Variants in UBE2Z observed in about 807,000 individuals in gnomAD.
The protein encoded by UBE2Z is ubiquitin conjugating enzyme E2 Z.
In UBE2Z, 10 loss-of-function variants were observed where a neutral mutation model predicts 32.6. The ratio of observed to expected loss-of-function variants is 0.31; its 90% CI spans 0.19 to 0.52. The LOEUF (loss-of-function observed/expected upper bound fraction) is 0.52. UBE2Z is among the 20% of genes least tolerant of loss of function. The pLI is 0.97. For missense variants in UBE2Z, 343 were observed against 480.9 expected (o/e 0.71, Z 2.68); for synonymous variants, 183 against 190.8 (o/e 0.96, Z 0.34).
intron 3 of UBE2Z, 51 bp downstream of exon 3, chr17:48,913,072 C>G (rs1365295644): frequency 2.0e-5 from 31 of 1,565,744 alleles, no homozygotes; most frequent in Non-Finnish European, 2.6e-5. Context: ...GATAATTACT[C>G]TAGGTCAGCC....
At chr17:48,924,237 G>A (rs1007286485) in intron 6 of UBE2Z, among the ~76,000 whole-genome samples, 2 of 152,164 alleles carry the variant, frequency 1.3e-5, no homozygotes, top group African/African-American at 4.8e-5. Context: ...CAAACTGGGA[G>A]GCTGAGATTA....
chr17:48,922,316 G>GGCGGAGGTTGCAGTGA (rs2040765293), intron 5 of UBE2Z, among the ~76,000 whole-genome samples: 1 of 152,146 alleles, frequency 6.6e-6, no homozygotes, highest in Admixed American at 6.5e-5. Context: ...GAACCTGGGA[G>GGCGGAGGTTGCAGTGA]GCGGAGGTTG....
intron 6 of UBE2Z, among the ~76,000 whole-genome samples, chr17:48,925,250 C>G (rs938866008): frequency 6.7e-6 from 1 of 148,184 alleles, no homozygotes. Context: ...ACGTTGCACT[C>G]TAGCCTTGGC....
chr17:48,918,270 C>G lies in UBE2Z; in HGVS notation c.690+2083C>G, dbSNP rs535850987. On this transcript the variant is annotated intron_variant, in intron 4 of 6. Transcript: ENST00000360943. ...TTTATTTTTAAACTATTACATATGA[C>G]ACCAACTTTGATTCTTCCTCTATAG... Among the ~76,000 whole-genome samples the G allele has an allele frequency of 1.5e-4, 23 of 152,202 alleles. No homozygotes were observed. The East Asian group carries it at 3.7e-3, about 24-fold the overall frequency.
At chr17:48,925,324 G>T (rs2040790831) in intron 6 of UBE2Z, among the ~76,000 whole-genome samples, 1 of 151,650 alleles carries the variant, frequency 6.6e-6, no homozygotes, top group Non-Finnish European at 1.5e-5. Context: ...GGGAGACTTG[G>T]ATAATTGACT....
intron 4 of UBE2Z, 74 bp downstream of exon 4, chr17:48,916,261 T>TTTTTTTG (rs2040719214): frequency 4.6e-6 from 3 of 658,216 alleles, no homozygotes; most frequent in Admixed American, 4.3e-5. Flanking sequence ...TTTTTTTGTT[T>TTTTTTTG]TTTTTTTTTT....
At chr17:48,916,999 C>T (rs1022700723) in intron 4 of UBE2Z, among the ~76,000 whole-genome samples, 2 of 149,268 alleles carry the variant, frequency 1.3e-5, no homozygotes, top group African/African-American at 4.9e-5. Context: ...GAAACTCGGT[C>T]CCCCCACCCC....
chr17:48,918,995 C>T (rs908018449), intron 4 of UBE2Z, among the ~76,000 whole-genome samples: 6 of 152,132 alleles, frequency 3.9e-5, no homozygotes, highest in Admixed American at 2.6e-4. Flanking sequence ...AGTCTGCCCA[C>T]GTCCGCCTCC....
chr17:48,916,469 T>A (rs1176919639), intron 4 of UBE2Z, among the ~76,000 whole-genome samples: 3 of 151,412 alleles, frequency 2.0e-5, no homozygotes, highest in Non-Finnish European at 4.4e-5. Flanking sequence ...GCCAGGCTGG[T>A]CTCCAGCTCC....
chr17:48,925,295 A>G (rs894689688), intron 6 of UBE2Z, among the ~76,000 whole-genome samples: 30 of 151,144 alleles, frequency 2.0e-4, no homozygotes, highest in Admixed American at 3.9e-4. Context: ...AAAAAAAAAA[A>G]AAAGAAAGAA....
chr17:48,912,716 G>C (rs1300194874), intron 2 of UBE2Z, 118 bp from the exon 3 acceptor site: 1 of 1,051,710 alleles, frequency 9.5e-7, no homozygotes, highest in Non-Finnish European at 1.4e-6. Flanking sequence ...TGAGGATATA[G>C]AACATGTGTA....
At position 48,908,587 on chromosome 17, in the gene UBE2Z, TGGCGTTAGCGGCAGCGGC is replaced by T; in HGVS notation, c.89_106del (p.Val30_Gly35del). 1 of 1,239,470 alleles carries T rather than the reference TGGCGTTAGCGGCAGCGGC, an allele frequency of 8.1e-7. No individual in the cohort carries two copies. The highest frequency in any genetic ancestry group is 1.0e-6 in the Non-Finnish European group (1 of 988,684). 76.8% of individuals were successfully genotyped at this position (1,239,470 alleles called of 1,614,324 possible). ...GGGCGAGCAGCGTTGCTGGTGTTGT[TGGCGTTAGCGGCAGCGGC>T]GGCGGGTTCGGGCCGCCTTTCCTGC... is the stretch of plus-strand genomic sequence containing the variant. On this transcript the variant is annotated inframe_deletion, in exon 1 of 7. Coordinates refer to ENST00000360943, the MANE Select transcript of UBE2Z (RefSeq NM_023079.5).
chr17:48,912,656 C>G, intron 2 of UBE2Z, 178 bp from the exon 3 acceptor site: 1 of 624,194 alleles, frequency 1.6e-6, no homozygotes, highest in Non-Finnish European at 2.7e-6. Flanking sequence ...TCTTAAAATT[C>G]CAAACCTACG....
At chr17:48,919,503 G>T (rs965836029) in intron 4 of UBE2Z, among the ~76,000 whole-genome samples, 1 of 152,126 alleles carries the variant, frequency 6.6e-6, no homozygotes, top group Non-Finnish European at 1.5e-5. Flanking sequence ...TTGAGACAAA[G>T]TCTTGCTTTG....
chr17:48,913,849 G>A (rs370876474), intron 3 of UBE2Z, among the ~76,000 whole-genome samples: 1 of 152,122 alleles, frequency 6.6e-6, no homozygotes, highest in Non-Finnish European at 1.5e-5. Flanking sequence ...GGCGGTGGTG[G>A]TGGTGGTGAT....
chr17:48,912,722 G>A, intron 2 of UBE2Z, 112 bp from the exon 3 acceptor site: 4 of 1,096,156 alleles, frequency 3.6e-6, no homozygotes, highest in Non-Finnish European at 5.4e-6. Context: ...TATAGAACAT[G>A]TGTACCAGAT....
At position 48,910,850 on chromosome 17, in the gene UBE2Z, C is replaced by T. The variant is rs773683257; in HGVS notation, c.360C>T (p.Phe120=). The change falls in exon 2 of 7, where the codon TTC becomes TTT. Residue 120 remains phenylalanine, a synonymous_variant. Coordinates refer to ENST00000360943, the MANE Select transcript of UBE2Z (RefSeq NM_023079.5). ...ATAAGGAGCCTCCTCCAGGAATGTT[C>T]GTTGTACCTGATACTGTTGACATGA... ...SIYKEPPPGM[F]VVPDTVDMTK... is the part of the protein sequence containing the mutation. 2 of 1,613,108 alleles carry T rather than the reference C, an allele frequency of 1.2e-6. No homozygotes were observed. The highest frequency in any genetic ancestry group is 8.5e-7 in the Non-Finnish European group (1 of 1,179,592).
intron 6 of UBE2Z, among the ~76,000 whole-genome samples, chr17:48,923,968 A>T (rs1243281396): frequency 6.6e-6 from 1 of 152,050 alleles, no homozygotes; most frequent in African/African-American, 2.4e-5. Flanking sequence ...GCTCATTGCA[A>T]CTTCAGCCTC....
Position 48,912,929 on chromosome 17 carries a change from A to C in UBE2Z, c.486A>C (p.Pro162=). ...FRCPPDYPIH[P]PRVKLMTTGN... is the part of the protein sequence containing the mutation. ...GTCCGCCCGACTATCCCATCCACCC[A>C]CCTCGGGTCAAACTGATGACAACGG... Residue 162 remains proline, a synonymous_variant, in exon 3 of 7, where the codon CCA becomes CCC. Coordinates refer to ENST00000360943, the MANE Select transcript of UBE2Z (RefSeq NM_023079.5). 1 of 1,613,568 alleles carries C rather than the reference A, an allele frequency of 6.2e-7. No individual in the cohort carries two copies. Among genetic ancestry groups the C allele is most frequent in the Non-Finnish European group, 8.5e-7 (1 of 1,179,770 alleles).
Sources: gnomAD v4.1 joint callset for allele counts (sites outside exome capture counted in the v4.1 genomes callset) on GRCh38, gnomAD v4.1.1 for gene constraint, MANE v1.5 for transcripts, NCBI Gene and HGNC (gene_info 2026-07-23, HGNC 2026-07-21) for gene names.